GALNT13: variants seen among roughly 807,000 people sequenced by gnomAD.
GALNT13 encodes polypeptide N-acetylgalactosaminyltransferase 13, also known as UDP-GalNAc:polypeptide N-acetylgalactosaminyltransferase 13.
A neutral mutation model predicts 64.2 loss-of-function variants in GALNT13; 28 were observed. The ratio of observed to expected loss-of-function variants is 0.44; its 90% CI spans 0.32 to 0.60. The LOEUF is 0.60. Ranked by LOEUF, GALNT13 falls within the 20% of genes least tolerant of loss-of-function variation. The pLI is 0.05. For missense variants in GALNT13, 577 were observed against 669.8 expected (o/e 0.86, Z 1.53); for synonymous variants, 214 against 224.6 (o/e 0.95, Z 0.42).
chr2:154,420,082 T>TATTTAATAA (rs1700184654), intron 11 of GALNT13, among the ~76,000 whole-genome samples: 1 of 152,066 alleles, frequency 6.6e-6, no homozygotes, highest in Non-Finnish European at 1.5e-5. Context: ...ACAGTAAGTG[T>TATTTAATAA]ATAAAGCAGA....
chr2:153,812,156 T>A, the GALNT13 span, among the ~76,000 whole-genome samples: 1 of 152,338 alleles, frequency 6.6e-6, no homozygotes, highest in Non-Finnish European at 1.5e-5. Flanking sequence ...TTAAATTTTC[T>A]GTAAATAAAA....
chr2:153,696,144 C>T, the GALNT13 span, among the ~76,000 whole-genome samples: 38 of 152,208 alleles, frequency 2.5e-4, no homozygotes, highest in Admixed American at 1.2e-3. Flanking sequence ...GTAGGGAAGC[C>T]GACAGTGCAA....
intron 4 of GALNT13, among the ~76,000 whole-genome samples, chr2:154,158,958 T>A (rs529842737): frequency 6.6e-6 from 1 of 152,224 alleles, no homozygotes; most frequent in South Asian, 2.1e-4. Context: ...TTCTACTCCC[T>A]TATTCTGGTA....
the GALNT13 span, among the ~76,000 whole-genome samples, chr2:153,530,468 T>C: frequency 1.3e-5 from 2 of 152,126 alleles, no homozygotes; most frequent in Non-Finnish European, 2.9e-5. Context: ...ACAGATTCAA[T>C]GCAATCCCTT....
the GALNT13 span, among the ~76,000 whole-genome samples, chr2:153,688,845 G>T: frequency 6.6e-6 from 1 of 151,928 alleles, no homozygotes; most frequent in East Asian, 1.9e-4. Context: ...TTATCTTGAT[G>T]AATATTTAGG....
chr2:153,711,069 G>A, the GALNT13 span, among the ~76,000 whole-genome samples: 1 of 152,070 alleles, frequency 6.6e-6, no homozygotes, highest in Non-Finnish European at 1.5e-5. Flanking sequence ...CTTTCTCTGA[G>A]CCTTGCCACA....
intron 3 of GALNT13, among the ~76,000 whole-genome samples, chr2:154,132,243 GA>G (rs1388010356): frequency 6.6e-6 from 1 of 152,132 alleles, no homozygotes; most frequent in Non-Finnish European, 1.5e-5. Context: ...TACTGATTTA[GA>G]AAATATAGAT....
intron 2 of GALNT13, among the ~76,000 whole-genome samples, chr2:153,920,143 C>T (rs1689653642): frequency 6.6e-6 from 1 of 151,562 alleles, no homozygotes; most frequent in Admixed American, 6.6e-5. Context: ...ATTAGTAGGC[C>T]TCTTCGGATT....
chr2:153,614,208 CATT>C, the GALNT13 span, among the ~76,000 whole-genome samples: 5 of 151,736 alleles, frequency 3.3e-5, no homozygotes, highest in Non-Finnish European at 4.4e-5. Flanking sequence ...TTAATAATAA[CATT>C]AATAATAATA....
the GALNT13 span, among the ~76,000 whole-genome samples, chr2:153,249,690 T>C: frequency 1.4e-4 from 21 of 151,912 alleles, no homozygotes; most frequent in Admixed American, 4.6e-4. Flanking sequence ...TATAGACCAA[T>C]GGAACAGAAC....
At chr2:154,238,569 A>G (rs561071998) in intron 4 of GALNT13, among the ~76,000 whole-genome samples, 1 of 152,166 alleles carries the variant, frequency 6.6e-6, no homozygotes, top group South Asian at 2.1e-4. Flanking sequence ...TTCATCAGAA[A>G]TAATGAAAAT....
At chr2:153,451,403 A>G in the GALNT13 span, among the ~76,000 whole-genome samples, 67 of 152,290 alleles carry the variant, frequency 4.4e-4, no homozygotes, top group African/African-American at 1.5e-3. Flanking sequence ...TCTCTTCTCA[A>G]ACTTGGTAAG....
At chr2:153,337,785 G>A in the GALNT13 span, 4 of 152,314 alleles carry the variant, frequency 2.6e-5, no homozygotes, top group African/African-American at 9.6e-5. Context: ...TGCAATGTAA[G>A]TTGATCTAAC....
At chr2:153,887,944 C>T (rs1354690332) in intron 1 of GALNT13, among the ~76,000 whole-genome samples, 4 of 152,008 alleles carry the variant, frequency 2.6e-5, no homozygotes, top group African/African-American at 4.8e-5. Flanking sequence ...ATTTTATTTT[C>T]GGTATGTGAT....
At chr2:154,013,409 T>G (rs964549291) in intron 3 of GALNT13, among the ~76,000 whole-genome samples, 10 of 151,978 alleles carry the variant, frequency 6.6e-5, no homozygotes, top group African/African-American at 2.4e-4. Flanking sequence ...CCCAAAACTT[T>G]AAGGAGAATG....
At chr2:153,088,597 CATTT>C in the GALNT13 span, among the ~76,000 whole-genome samples, 3 of 152,128 alleles carry the variant, frequency 2.0e-5, no homozygotes, top group Admixed American at 2.0e-4. Context: ...TCACCTATCT[CATTT>C]ATTAGGTCTA....
the GALNT13 span, among the ~76,000 whole-genome samples, chr2:153,419,592 T>C: frequency 6.6e-6 from 1 of 152,226 alleles, no homozygotes; most frequent in Admixed American, 6.5e-5. Context: ...GTGATGGAAC[T>C]GTTTTGTATT....
chr2:153,457,401 T>G, the GALNT13 span, among the ~76,000 whole-genome samples: 486 of 152,322 alleles, frequency 3.2e-3, 4 homozygotes, highest in Non-Finnish European at 3.7e-3. Flanking sequence ...TCCGTTCTCT[T>G]TATTTTCTCA....
At chr2:154,300,826 A>G (rs1693401048) in intron 8 of GALNT13, among the ~76,000 whole-genome samples, 1 of 152,182 alleles carries the variant, frequency 6.6e-6, no homozygotes, top group Non-Finnish European at 1.5e-5. Flanking sequence ...CTTAAAATAA[A>G]AAAGGTACAC....
Sources: allele counts gnomAD v4.1 joint callset (sites outside exome capture counted in the v4.1 genomes callset), GRCh38; gene constraint gnomAD v4.1.1; transcripts MANE v1.5; gene names NCBI Gene and HGNC (gene_info 2026-07-23, HGNC 2026-07-21).